LDLRAD3: variants seen among roughly 807,000 people sequenced by gnomAD.
The protein encoded by LDLRAD3 is low density lipoprotein receptor class A domain containing 3.
LDLRAD3 carries 20 observed loss-of-function variants against 29.4 expected under a neutral mutation model. The ratio of observed to expected loss-of-function variants is 0.68; its 90% CI spans 0.48 to 0.99. The LOEUF (loss-of-function observed/expected upper bound fraction) is 0.99, where lower values mean the gene tolerates loss of function less well. LDLRAD3 is among the 50% of genes least tolerant of loss of function. LDLRAD3 has a pLI of 0.00. For missense variants in LDLRAD3, 420 were observed against 454.3 expected (o/e 0.92, Z 0.69); for synonymous variants, 157 against 192.7 (o/e 0.81, Z 1.53).
intron 4 of LDLRAD3, among the ~76,000 whole-genome samples, chr11:36,215,688 G>T (rs919177313): frequency 1.2e-4 from 18 of 152,276 alleles, no homozygotes; most frequent in African/African-American, 4.1e-4. Flanking sequence ...GTTGTGTTCA[G>T]ATCTGAAATC....
chr11:36,120,760 A>G (rs760529995), intron 4 of LDLRAD3, among the ~76,000 whole-genome samples: 1 of 152,168 alleles, frequency 6.6e-6, no homozygotes, highest in Non-Finnish European at 1.5e-5. Context: ...CGCAAATTCT[A>G]TATGCTGAAA....
chr11:36,169,335 A>G (rs6416082), intron 4 of LDLRAD3, among the ~76,000 whole-genome samples: 121,701 of 152,146 alleles, frequency 0.8, 50,795 homozygotes, highest in Non-Finnish European at 0.92. Flanking sequence ...TGAAATATAT[A>G]ATTATTGTTA....
At chr11:36,168,783 G>T (rs916184492) in intron 4 of LDLRAD3, among the ~76,000 whole-genome samples, 2 of 152,238 alleles carry the variant, frequency 1.3e-5, no homozygotes, top group African/African-American at 4.8e-5. Flanking sequence ...CCCTGGAAAA[G>T]TTGGGTTCCC....
At chr11:36,051,053 T>C (rs1852520629) in intron 2 of LDLRAD3, among the ~76,000 whole-genome samples, 1 of 152,140 alleles carries the variant, frequency 6.6e-6, no homozygotes, top group Non-Finnish European at 1.5e-5. Context: ...TACCATCAGA[T>C]TGGAGACTAG....
At chr11:36,099,955 A>G (rs1251785386) in intron 4 of LDLRAD3, among the ~76,000 whole-genome samples, 1 of 152,180 alleles carries the variant, frequency 6.6e-6, no homozygotes, top group African/African-American at 2.4e-5. Flanking sequence ...GACTCTTCAC[A>G]GTGGTTCTCA....
intron 4 of LDLRAD3, among the ~76,000 whole-genome samples, chr11:36,211,750 G>A (rs548128586): frequency 6.6e-6 from 1 of 152,262 alleles, no homozygotes; most frequent in African/African-American, 2.4e-5. Flanking sequence ...TTGCAACAAT[G>A]GCCTGCCTGA....
At chr11:36,198,520 C>T (rs1415933214) in intron 4 of LDLRAD3, among the ~76,000 whole-genome samples, 3 of 152,216 alleles carry the variant, frequency 2.0e-5, no homozygotes, top group African/African-American at 7.2e-5. Flanking sequence ...ATCCTGAGAG[C>T]CAAGAGCCAC....
At chr11:35,992,274 A>G (rs978529736) in intron 1 of LDLRAD3, among the ~76,000 whole-genome samples, 1 of 152,194 alleles carries the variant, frequency 6.6e-6, no homozygotes, top group Non-Finnish European at 1.5e-5. Flanking sequence ...CCATGAGTTG[A>G]TTAAAAATAT....
At chr11:36,179,176 A>T (rs1174851656) in intron 4 of LDLRAD3, among the ~76,000 whole-genome samples, 2 of 152,156 alleles carry the variant, frequency 1.3e-5, no homozygotes, top group Admixed American at 6.5e-5. Flanking sequence ...CCGAATGAAA[A>T]GGTAGAGCCC....
At chr11:35,985,895 C>T (rs1377883090) in intron 1 of LDLRAD3, among the ~76,000 whole-genome samples, 1 of 151,550 alleles carries the variant, frequency 6.6e-6, no homozygotes, top group African/African-American at 2.4e-5. Flanking sequence ...TTTATTAGCA[C>T]CGTGAGAACA....
At chr11:36,063,855 A>C (rs571065289) in intron 2 of LDLRAD3, among the ~76,000 whole-genome samples, 2 of 152,094 alleles carry the variant, frequency 1.3e-5, no homozygotes, top group African/African-American at 2.4e-5. Context: ...TTAGTCCTCT[A>C]ATTTTGTTCT....
At chr11:35,974,495 G>A (rs1209174679) in intron 1 of LDLRAD3, among the ~76,000 whole-genome samples, 3 of 152,198 alleles carry the variant, frequency 2.0e-5, no homozygotes, top group Non-Finnish European at 2.9e-5. Flanking sequence ...GCTTAGCTGG[G>A]CTCTCTGAAA....
chr11:36,113,610 T>C (rs1853634905), intron 4 of LDLRAD3, among the ~76,000 whole-genome samples: 1 of 152,076 alleles, frequency 6.6e-6, no homozygotes, highest in African/African-American at 2.4e-5. Context: ...CAATGTTTTC[T>C]TTCTCATTGT....
In LDLRAD3 at chr11:35,975,735, GGAT is replaced by G. The variant is rs1303766402; in HGVS notation, c.46+31596_46+31598del. 2.6e-5 allele frequency among the ~76,000 whole-genome samples: 4 copies of G among 152,236 alleles called. 1 individual carries two copies. The highest frequency in any genetic ancestry group is 9.6e-5 in the African/African-American group (4 of 41,544). ...GAGCTTTGTAGGACAGAGAGGTATAGGATGATGCCGTGATTCATGAGAGAAGGT... is the reference window on the plus strand; with the variant it reads ...GAGCTTTGTAGGACAGAGAGGTATAGGATGCCGTGATTCATGAGAGAAGGT... On this transcript the variant is annotated intron_variant, in intron 1 of 5. Transcript: ENST00000315571.
intron 4 of LDLRAD3, among the ~76,000 whole-genome samples, chr11:36,217,790 T>C (rs1268487444): frequency 5.3e-5 from 8 of 152,196 alleles, no homozygotes; most frequent in Admixed American, 3.3e-4. Flanking sequence ...CTTGGCTTGG[T>C]TGGGGCTGCA....
chr11:36,072,099 C>T (rs1852914939), intron 2 of LDLRAD3, among the ~76,000 whole-genome samples: 3 of 152,316 alleles, frequency 2.0e-5, no homozygotes, highest in Admixed American at 6.5e-5. Context: ...GCTCTCTCAG[C>T]CACATACTGG....
chr11:36,109,214 G>A (rs1853573305), intron 4 of LDLRAD3, among the ~76,000 whole-genome samples: 1 of 152,212 alleles, frequency 6.6e-6, no homozygotes, highest in Admixed American at 6.5e-5. Context: ...GTCAAGGAGA[G>A]AATCTTTGTC....
chr11:36,088,097 T>A (rs1853222393), intron 3 of LDLRAD3, among the ~76,000 whole-genome samples: 1 of 151,934 alleles, frequency 6.6e-6, no homozygotes, highest in African/African-American at 2.4e-5. Flanking sequence ...TCAAGCCAAC[T>A]GCTTGCCTTG....
intron 4 of LDLRAD3, among the ~76,000 whole-genome samples, chr11:36,176,278 T>G (rs536082524): frequency 2.6e-5 from 4 of 152,186 alleles, no homozygotes; most frequent in Non-Finnish European, 5.9e-5. Flanking sequence ...CTCTTTTAAG[T>G]GGAGTACTTA....
Sources: allele counts gnomAD v4.1 joint callset (sites outside exome capture counted in the v4.1 genomes callset), GRCh38; gene constraint gnomAD v4.1.1; transcripts MANE v1.5; gene names NCBI Gene and HGNC (gene_info 2026-07-23, HGNC 2026-07-21).